The following COL24A1 variants were observed in gnomAD, a reference collection of about 807,000 sequenced individuals.
COL24A1 encodes the protein collagen type XXIV alpha 1 chain.
COL24A1 carries 224 observed loss-of-function variants against 253.9 expected under a neutral mutation model. The observed-to-expected ratio is 0.88, with a 90% CI of 0.79 to 0.99. The LOEUF (loss-of-function observed/expected upper bound fraction) is 0.99, where lower values mean the gene tolerates loss of function less well. COL24A1 is among the 50% of genes least tolerant of loss of function. The probability of loss-of-function intolerance (pLI) is 0.00; values close to 1 mark genes in which losing one functional copy is unlikely to be tolerated. For missense variants in COL24A1, 2,131 were observed against 2,068.5 expected, an observed-to-expected ratio of 1.03 and a Z score of -0.59; for synonymous variants, 685 against 673.7, an observed-to-expected ratio of 1.02 and a Z score of -0.26.
chr1:85,862,937 C>T (rs913616313), intron 37 of COL24A1, among the ~76,000 whole-genome samples: 1 of 152,162 alleles, frequency 6.6e-6, no homozygotes, highest in South Asian at 2.1e-4. Flanking sequence ...ACTGATTCTT[C>T]CTATCCATGA....
chr1:85,993,103 C>A (rs1305117320), intron 19 of COL24A1, among the ~76,000 whole-genome samples: 1 of 151,816 alleles, frequency 6.6e-6, no homozygotes, highest in East Asian at 1.9e-4. Flanking sequence ...AACCTGGGAA[C>A]CGAAGCACTA....
intron 12 of COL24A1, among the ~76,000 whole-genome samples, chr1:86,044,451 G>A (rs889545000): frequency 2.1e-4 from 32 of 151,874 alleles, no homozygotes; most frequent in Non-Finnish European, 3.8e-4. Flanking sequence ...AATATATTAC[G>A]GTACTAGACA....
intron 33 of COL24A1, among the ~76,000 whole-genome samples, chr1:85,875,869 A>G (rs910853950): frequency 2.6e-5 from 4 of 151,784 alleles, no homozygotes; most frequent in African/African-American, 9.7e-5. Context: ...ACCTCTGGCT[A>G]TTTCCAGGCC....
chr1:86,051,522 C>A (rs1700301532), intron 10 of COL24A1, among the ~76,000 whole-genome samples: 1 of 152,026 alleles, frequency 6.6e-6, no homozygotes, highest in South Asian at 2.1e-4. Flanking sequence ...AATGACACAG[C>A]ATTTGCAAAG....
intron 37 of COL24A1, among the ~76,000 whole-genome samples, chr1:85,856,385 T>A (rs190811756): frequency 2.0e-4 from 31 of 152,344 alleles, no homozygotes; most frequent in African/African-American, 7.2e-4. Context: ...GATTCTTGTA[T>A]GTTGTATCAC....
intron 52 of COL24A1, among the ~76,000 whole-genome samples, chr1:85,776,295 G>A (rs1353938952): frequency 6.6e-6 from 1 of 152,058 alleles, no homozygotes; most frequent in African/African-American, 2.4e-5. Flanking sequence ...ATTGGCAAGA[G>A]AATATACCTT....
chr1:85,823,276 G>T (rs569122491), intron 45 of COL24A1, among the ~76,000 whole-genome samples: 1 of 152,088 alleles, frequency 6.6e-6, no homozygotes, highest in African/African-American at 2.4e-5. Context: ...ATTAATTTGA[G>T]ACAACTGAGG....
At chr1:86,148,195 C>A (rs9433425) in intron 1 of COL24A1, among the ~76,000 whole-genome samples, 1 of 145,574 alleles carries the variant, frequency 6.9e-6, no homozygotes, top group Non-Finnish European at 1.5e-5. Flanking sequence ...TTTGTTTTTG[C>A]TTTCTTGAGA....
chr1:85,928,723 T>C lies in COL24A1; in HGVS notation c.2563-17290A>G, dbSNP rs201909820. 3.2e-5 allele frequency among the ~76,000 whole-genome samples: 2 copies of C among 62,960 alleles called. 1 individual carries two copies. Among genetic ancestry groups the C allele is most frequent in the African/African-American group, 1.3e-4 (2 of 15,222 alleles). The allele number at this position is 62,960 out of a possible 152,430, so 41.3% of individuals were successfully genotyped here. A position where few individuals can be genotyped will look rare whatever the true frequency, so the allele number is the denominator to read the frequency against. On this transcript the variant is annotated intron_variant, in intron 24 of 59. Transcript: ENST00000370571. ...CACAAAGGGAAGCCCATCAGACTAA[T>C]AGCGGATCTCTTGGCAGAAACTCTA...
At chr1:85,923,914 G>C (rs1157340188) in intron 24 of COL24A1, among the ~76,000 whole-genome samples, 3 of 152,096 alleles carry the variant, frequency 2.0e-5, no homozygotes, top group African/African-American at 4.8e-5. Context: ...AAAATTGATA[G>C]ACTGCTAGCA....
At position 85,888,428 on chromosome 1, in the gene COL24A1, T is replaced by A. The variant is rs140679146; in HGVS notation, c.2976+1132A>T. ...GTCACCTGCCTCATTTCTATCCCTATCTGGCACTTACTTATATATACCAGA... is the reference window on the plus strand; with the variant it reads ...GTCACCTGCCTCATTTCTATCCCTAACTGGCACTTACTTATATATACCAGA... On this transcript the variant is annotated intron_variant, in intron 32 of 59. Coordinates refer to ENST00000370571, the MANE Select transcript of COL24A1 (RefSeq NM_152890.7). Among the ~76,000 whole-genome samples, 426 of 152,222 alleles carry A rather than the reference T, an allele frequency of 2.8e-3. 4 individuals are homozygous for A. Among genetic ancestry groups the A allele is most frequent in the African/African-American group, 1.0e-2 (414 of 41,574 alleles).
chr1:86,022,665 A>G (rs1187768853), intron 16 of COL24A1, 74 bp from the exon 17 acceptor site: 3 of 1,442,216 alleles, frequency 2.1e-6, no homozygotes, highest in Non-Finnish European at 2.9e-6. Context: ...GCAAATATTC[A>G]TTGTAGAAGA....
chr1:85,768,331 T>A (rs1417848649), intron 53 of COL24A1, among the ~76,000 whole-genome samples: 36 of 152,036 alleles, frequency 2.4e-4, no homozygotes, highest in Admixed American at 2.4e-3. Flanking sequence ...TAGGGAGGTG[T>A]TTAAAGAGGA....
chr1:85,849,297 G>A, intron 38 of COL24A1, 56 bp downstream of exon 38: 2 of 1,314,148 alleles, frequency 1.5e-6, no homozygotes, highest in Non-Finnish European at 2.2e-6. Flanking sequence ...GCAGTCTATG[G>A]AGTTCTGGGC....
intron 32 of COL24A1, among the ~76,000 whole-genome samples, chr1:85,885,078 C>T (rs1437609135): frequency 6.6e-6 from 1 of 152,100 alleles, no homozygotes; most frequent in South Asian, 2.1e-4. Flanking sequence ...TGTCTTGTAA[C>T]CTTAATTCTC....
intron 47 of COL24A1, among the ~76,000 whole-genome samples, chr1:85,791,792 C>T (rs1570633148): frequency 6.6e-6 from 1 of 152,104 alleles, no homozygotes; most frequent in Non-Finnish European, 1.5e-5. Flanking sequence ...CCAATATTAA[C>T]AGCATTAACA....
At chr1:86,145,688 A>G (rs1297738143) in intron 2 of COL24A1, among the ~76,000 whole-genome samples, 1 of 152,054 alleles carries the variant, frequency 6.6e-6, no homozygotes, top group Non-Finnish European at 1.5e-5. Context: ...AATTACATAG[A>G]ATCCTAAGCC....
In COL24A1 at chr1:86,141,394, G is replaced by A. The variant is rs372196814; in HGVS notation, c.121+4725C>T. Among the ~76,000 whole-genome samples, 11 of 152,244 alleles carry A rather than the reference G, an allele frequency of 7.2e-5. No individual in the cohort carries two copies. In the South Asian group the frequency reaches 2.3e-3, roughly 32 times the overall value. Reference sequence around the variant, plus strand: ...ATGACATAGAAGCATTGAATCAATCGTAGAGGAAAATGGAAGGGAAGCTCT... The same window carrying A: ...ATGACATAGAAGCATTGAATCAATCATAGAGGAAAATGGAAGGGAAGCTCT... On this transcript the variant is annotated intron_variant, in intron 2 of 59. Coordinates refer to ENST00000370571, the MANE Select transcript of COL24A1 (RefSeq NM_152890.7).
intron 25 of COL24A1, 90 bp from the exon 26 acceptor site, chr1:85,910,093 G>T: frequency 9.9e-7 from 1 of 1,006,534 alleles, no homozygotes; most frequent in Middle Eastern, 2.1e-4. Context: ...CTGTCATCCA[G>T]AATCATGTCT....
Sources: allele counts gnomAD v4.1 joint callset (sites outside exome capture counted in the v4.1 genomes callset), GRCh38; gene constraint gnomAD v4.1.1; transcripts MANE v1.5; gene names NCBI Gene and HGNC (gene_info 2026-07-23, HGNC 2026-07-21).